The following SGCZ variants were observed in gnomAD, a reference collection of about 807,000 sequenced individuals.
SGCZ encodes the protein sarcoglycan zeta, also known as zeta-sarcoglycan.
Under a neutral mutation model 41.3 loss-of-function variants are expected in SGCZ, and 40 were observed. The observed-to-expected ratio is 0.97, with a 90% CI of 0.75 to 1.26. SGCZ has a LOEUF of 1.26. Ranked by LOEUF, SGCZ falls within the 50% of genes most tolerant of loss-of-function variation. SGCZ has a pLI of 0.00. For missense variants in SGCZ, 552 were observed against 369.8 expected, an observed-to-expected ratio of 1.49 and a Z score of -4.04; for synonymous variants, 206 against 137.5, an observed-to-expected ratio of 1.50 and a Z score of -3.49.
intron 2 of SGCZ, among the ~76,000 whole-genome samples, chr8:14,537,872 C>T (rs1297720882): frequency 6.6e-6 from 1 of 151,814 alleles, no homozygotes; most frequent in Non-Finnish European, 1.5e-5. Flanking sequence ...GAGGAAGGTG[C>T]ATGGAGAAAT....
intron 2 of SGCZ, among the ~76,000 whole-genome samples, chr8:14,525,948 G>T (rs1802934614): frequency 6.6e-6 from 1 of 151,632 alleles, no homozygotes; most frequent in South Asian, 2.1e-4. Context: ...AAGTGCCAAA[G>T]TTAGAGATAG....
chr8:14,747,359 G>A (rs1483138962), intron 1 of SGCZ, among the ~76,000 whole-genome samples: 1 of 152,052 alleles, frequency 6.6e-6, no homozygotes, highest in Non-Finnish European at 1.5e-5. Context: ...TTAAAAATCT[G>A]GAGTTACTGG....
At chr8:15,144,644 C>A (rs992891021) in intron 1 of SGCZ, among the ~76,000 whole-genome samples, 1 of 152,070 alleles carries the variant, frequency 6.6e-6, no homozygotes, top group Non-Finnish European at 1.5e-5. Context: ...TTAGTAGAGA[C>A]AGGGTTTCAC....
At chr8:14,432,581 C>G (rs775482279) in intron 2 of SGCZ, among the ~76,000 whole-genome samples, 1 of 152,044 alleles carries the variant, frequency 6.6e-6, no homozygotes, top group Non-Finnish European at 1.5e-5. Context: ...GTGTATACTG[C>G]TCGGGTGATG....
intron 1 of SGCZ, among the ~76,000 whole-genome samples, chr8:14,911,776 ATTCCT>A (rs1176372364): frequency 6.6e-6 from 1 of 151,898 alleles, no homozygotes; most frequent in African/African-American, 2.4e-5. Context: ...CTTTCAATCT[ATTCCT>A]TTCATTTATT....
At chr8:15,136,762 A>G (rs1808121420) in intron 1 of SGCZ, among the ~76,000 whole-genome samples, 1 of 152,168 alleles carries the variant, frequency 6.6e-6, no homozygotes, top group South Asian at 2.1e-4. Context: ...CAGAACTGTG[A>G]GTCAATTACA....
chr8:14,604,362 C>T lies in SGCZ; in HGVS notation c.40-49436G>A, dbSNP rs1216618747. The stretch of plus-strand genomic sequence containing the variant: ...GCTCACCAGGAAAGTATGCCAAGAT[C>T]AATTATTGATGTCTGCCATGGGCAT... On this transcript the variant is annotated intron_variant, in intron 1 of 7. Transcript: ENST00000382080. 5.9e-5 allele frequency among the ~76,000 whole-genome samples: 9 copies of T among 152,114 alleles called. No homozygotes were observed. The East Asian group carries it at 1.7e-3, about 29-fold the overall frequency.
intron 6 of SGCZ, among the ~76,000 whole-genome samples, chr8:14,103,404 C>T (rs1802096696): frequency 1.3e-5 from 2 of 152,274 alleles, no homozygotes; most frequent in South Asian, 2.1e-4. Context: ...TGCCTGTGAT[C>T]GCCCTACCAC....
At chr8:14,479,478 A>G (rs1801460554) in intron 2 of SGCZ, among the ~76,000 whole-genome samples, 1 of 152,150 alleles carries the variant, frequency 6.6e-6, no homozygotes, top group African/African-American at 2.4e-5. Flanking sequence ...TCCTTTGGCC[A>G]TACCCTCACA....
At chr8:15,234,948 C>G (rs1444538900) in intron 1 of SGCZ, among the ~76,000 whole-genome samples, 1 of 152,014 alleles carries the variant, frequency 6.6e-6, no homozygotes, top group South Asian at 2.1e-4. Flanking sequence ...GTATCAAACC[C>G]CAGTAAACAT....
chr8:14,879,064 C>A (rs1804477742), intron 1 of SGCZ: 1 of 152,126 alleles, frequency 6.6e-6, no homozygotes. Context: ...GTGGCTCATG[C>A]CTGTAATTCC....
chr8:14,957,379 T>A (rs1800824742), intron 1 of SGCZ, among the ~76,000 whole-genome samples: 1 of 152,062 alleles, frequency 6.6e-6, no homozygotes, highest in Non-Finnish European at 1.5e-5. Flanking sequence ...GAAATTCATA[T>A]CTACCTTTTT....
chr8:14,191,960 G>A (rs1427137894), intron 4 of SGCZ, among the ~76,000 whole-genome samples: 2 of 151,860 alleles, frequency 1.3e-5, no homozygotes, highest in East Asian at 1.9e-4. Flanking sequence ...TAAAGTATAG[G>A]AAAGCTCAAA....
At chr8:15,025,187 G>C in intron 1 of SGCZ, among the ~76,000 whole-genome samples, 1 of 152,078 alleles carries the variant, frequency 6.6e-6, no homozygotes, top group East Asian at 1.9e-4. Context: ...ACCAAGAACA[G>C]TATAAGCATT....
intron 2 of SGCZ, among the ~76,000 whole-genome samples, chr8:14,350,328 T>C (rs1282620165): frequency 6.6e-6 from 1 of 152,132 alleles, no homozygotes; most frequent in Non-Finnish European, 1.5e-5. Flanking sequence ...ACAGGTCATA[T>C]TCAATAATCT....
At chr8:15,205,183 G>A (rs746952955) in intron 1 of SGCZ, among the ~76,000 whole-genome samples, 8 of 152,006 alleles carry the variant, frequency 5.3e-5, no homozygotes, top group Non-Finnish European at 8.8e-5. Flanking sequence ...ATACCACCCC[G>A]AACATAGGAA....
intron 4 of SGCZ, among the ~76,000 whole-genome samples, chr8:14,181,102 C>A (rs1284590678): frequency 6.6e-6 from 1 of 152,066 alleles, no homozygotes; most frequent in Non-Finnish European, 1.5e-5. Context: ...AGGCCTGAGG[C>A]CCACAGTAGT....
intron 2 of SGCZ, among the ~76,000 whole-genome samples, chr8:14,365,510 G>A (rs768294310): frequency 6.6e-6 from 1 of 151,946 alleles, no homozygotes; most frequent in Non-Finnish European, 1.5e-5. Flanking sequence ...CAAACTTTTA[G>A]TTAATTTTGT....
At chr8:14,964,745 G>A (rs909665025) in intron 1 of SGCZ, among the ~76,000 whole-genome samples, 1 of 152,120 alleles carries the variant, frequency 6.6e-6, no homozygotes, top group Admixed American at 6.5e-5. Context: ...CCAGCCCAGA[G>A]CAATTCTCAC....
Sources: gnomAD v4.1 joint callset for allele counts (sites outside exome capture counted in the v4.1 genomes callset) on GRCh38, gnomAD v4.1.1 for gene constraint, MANE v1.5 for transcripts, NCBI Gene and HGNC (gene_info 2026-07-23, HGNC 2026-07-21) for gene names.